TAFA2: variants seen among roughly 807,000 people sequenced by gnomAD.
TAFA2 encodes TAFA chemokine like family member 2.
In TAFA2, 7 loss-of-function variants were observed where a neutral mutation model predicts 18.8. The ratio of observed to expected loss-of-function variants is 0.37; its 90% confidence interval spans 0.21 to 0.70. TAFA2 has a LOEUF of 0.70. Ranked by LOEUF, TAFA2 falls within the 30% of genes least tolerant of loss-of-function variation. The pLI is 0.53. For missense variants in TAFA2, 122 were observed against 158.1 expected (o/e 0.77, Z 1.23); for synonymous variants, 60 against 54.2 (o/e 1.11, Z -0.47).
chr12:62,252,321 T>C (rs1373348133), intron 1 of TAFA2: 1 of 152,240 alleles, frequency 6.6e-6, no homozygotes, highest in African/African-American at 2.4e-5. Flanking sequence ...ATGATAAACC[T>C]GCCAGGATGG....
Position 61,807,015 on chromosome 12 carries a change from T to C in TAFA2, c.107-51991A>G, listed in dbSNP as rs181418878. On this transcript the variant is annotated intron_variant, in intron 2 of 4. Coordinates refer to ENST00000416284, the MANE Select transcript of TAFA2 (RefSeq NM_178539.5). ...GAAAATCCCATTCTCTGAGGAGAAA[T>C]TCAAGCCAGCTGCAGAAATTTCCAT... is the stretch of plus-strand genomic sequence containing the variant. 3.3e-5 allele frequency among the ~76,000 whole-genome samples: 5 copies of C among 151,956 alleles called. No homozygotes were observed. The South Asian group carries it at 6.2e-4, about 19-fold the overall frequency.
chr12:62,253,272 G>A (rs140673311), intron 1 of TAFA2: 163 of 152,280 alleles, frequency 1.1e-3, no homozygotes, highest in African/African-American at 3.7e-3. Context: ...GTGTTCACTT[G>A]TAATGCAAAA....
intron 2 of TAFA2, among the ~76,000 whole-genome samples, chr12:61,793,353 T>C (rs80333193): frequency 0.046 from 6,921 of 151,350 alleles, 499 homozygotes; most frequent in African/African-American, 0.16. Context: ...ATTCATAAAC[T>C]TCTACTCAAA....
intron 2 of TAFA2, among the ~76,000 whole-genome samples, chr12:61,790,233 C>A (rs1870917230): frequency 6.6e-6 from 1 of 150,892 alleles, no homozygotes; most frequent in South Asian, 2.1e-4. Context: ...ACAATAAAGG[C>A]CATATATGGC....
chr12:61,762,172 A>G (rs896877824), intron 2 of TAFA2, among the ~76,000 whole-genome samples: 32 of 152,056 alleles, frequency 2.1e-4, no homozygotes, highest in African/African-American at 7.2e-4. Flanking sequence ...ACCCAGTCTC[A>G]GGTATTTCTT....
chr12:62,122,912 T>C (rs1870262983), intron 1 of TAFA2, among the ~76,000 whole-genome samples: 1 of 152,294 alleles, frequency 6.6e-6, no homozygotes, highest in South Asian at 2.1e-4. Flanking sequence ...GCCTTTCTTA[T>C]GTTGCTTTTC....
chr12:62,207,605 A>C (rs1343188089), intron 1 of TAFA2, among the ~76,000 whole-genome samples: 1 of 152,188 alleles, frequency 6.6e-6, no homozygotes, highest in Non-Finnish European at 1.5e-5. Context: ...TGAACTTTTT[A>C]GCACTAAACC....
At chr12:61,792,048 G>C (rs10784262) in intron 2 of TAFA2, among the ~76,000 whole-genome samples, 1 of 151,666 alleles carries the variant, frequency 6.6e-6, no homozygotes, top group South Asian at 2.1e-4. Flanking sequence ...AAAATAATTT[G>C]TTTTCATTTG....
chr12:62,075,803 G>A (rs915337122), intron 1 of TAFA2, among the ~76,000 whole-genome samples: 12 of 152,154 alleles, frequency 7.9e-5, no homozygotes, highest in African/African-American at 1.4e-4. Context: ...CTGACCACAT[G>A]AGCTATACAT....
At chr12:61,751,363 C>T (rs1466220007) in intron 4 of TAFA2, among the ~76,000 whole-genome samples, 1 of 151,982 alleles carries the variant, frequency 6.6e-6, no homozygotes, top group Non-Finnish European at 1.5e-5. Context: ...TTGAAAATGT[C>T]TAAGTAGCTC....
chr12:61,790,887 A>G (rs1870948380), intron 2 of TAFA2, among the ~76,000 whole-genome samples: 1 of 151,856 alleles, frequency 6.6e-6, no homozygotes, highest in South Asian at 2.1e-4. Context: ...TGAAACCACA[A>G]AAGACCCTGA....
intron 1 of TAFA2, among the ~76,000 whole-genome samples, chr12:62,144,944 T>C (rs2062270000): frequency 6.6e-6 from 1 of 152,230 alleles, no homozygotes; most frequent in South Asian, 2.1e-4. Context: ...TCAGTTAATG[T>C]CAAAGCTTGT....
At position 62,114,964 on chromosome 12, in the gene TAFA2, C is replaced by T. The variant is rs573296468; in HGVS notation, c.-2+76295G>A. Among the ~76,000 whole-genome samples the T allele has an allele frequency of 3.3e-5, 5 of 152,132 alleles. No individual in the cohort carries two copies. In the South Asian group the frequency reaches 8.3e-4, roughly 25 times the overall value. ...GGGCCATATTCTAATTCAAGGGGCT[C>T]GTTTAATTAAAAATTGACTGATCTT... On this transcript the variant is annotated intron_variant, in intron 1 of 4. Transcript: ENST00000416284.
chr12:61,801,675 T>C (rs775537207), intron 2 of TAFA2, among the ~76,000 whole-genome samples: 6 of 151,970 alleles, frequency 3.9e-5, no homozygotes, highest in Non-Finnish European at 7.4e-5. Context: ...AGCATCGGGG[T>C]AATGCTTAAG....
At chr12:62,128,070 A>G (rs1870536202) in intron 1 of TAFA2, among the ~76,000 whole-genome samples, 1 of 151,982 alleles carries the variant, frequency 6.6e-6, no homozygotes, top group South Asian at 2.1e-4. Context: ...GGTGGAAAAT[A>G]ATGTGTTTTA....
At position 61,718,715 on chromosome 12, in the gene TAFA2, G is replaced by C. The variant is rs553555664; in HGVS notation, c.385-8298C>G. ...AACTCAATTCAAAGGTACTTTACCT[G>C]CTAAATTTGATATTAAGTTCATTTT... On this transcript the variant is annotated intron_variant, in intron 4 of 4. Coordinates refer to ENST00000416284, the MANE Select transcript of TAFA2 (RefSeq NM_178539.5). Among the ~76,000 whole-genome samples, 3 of 152,220 alleles carry C rather than the reference G, an allele frequency of 2.0e-5. No homozygotes were observed. In the East Asian group the frequency reaches 5.8e-4, roughly 29 times the overall value.
chr12:61,985,392 A>G (rs775510758), intron 1 of TAFA2, among the ~76,000 whole-genome samples: 6 of 152,236 alleles, frequency 3.9e-5, no homozygotes, highest in Admixed American at 6.5e-5. Context: ...ATTTGAGGGG[A>G]GGAAGACAAT....
At chr12:61,857,798 G>A (rs2121183084) in intron 2 of TAFA2, among the ~76,000 whole-genome samples, 1 of 151,722 alleles carries the variant, frequency 6.6e-6, no homozygotes, top group East Asian at 1.9e-4. Context: ...TTATATCAAA[G>A]GTGTTTCTAC....
At chr12:61,731,361 A>G (rs1483982655) in intron 4 of TAFA2, among the ~76,000 whole-genome samples, 1 of 152,092 alleles carries the variant, frequency 6.6e-6, no homozygotes, top group Non-Finnish European at 1.5e-5. Flanking sequence ...GCAAAAGTTT[A>G]CAATGTTAGT....
Sources: allele counts gnomAD v4.1 joint callset (sites outside exome capture counted in the v4.1 genomes callset), GRCh38; gene constraint gnomAD v4.1.1; transcripts MANE v1.5; gene names NCBI Gene and HGNC (gene_info 2026-07-23, HGNC 2026-07-21).